Variants in SSTR1 observed in about 807,000 individuals in gnomAD.
SSTR1 encodes somatostatin receptor type 1.
Under a neutral mutation model 20.7 loss-of-function variants are expected in SSTR1, and 10 were observed. That is an observed-to-expected ratio of 0.48 (90% CI 0.30 to 0.82). SSTR1 has a LOEUF of 0.82. Among genes scored for constraint, SSTR1 ranks in the 40% least tolerant of loss-of-function variants. The probability of loss-of-function intolerance (pLI) is 0.07; values close to 1 mark genes in which losing one functional copy is unlikely to be tolerated. For synonymous variants in SSTR1, 267 were observed against 227.8 expected (o/e 1.17, Z -1.55); for missense variants, 494 against 540.0 (o/e 0.91, Z 0.84).
Position 38,212,916 on chromosome 14 carries a change from CT to C in SSTR1, c.*2354del, listed in dbSNP as rs1029196920. The C allele has an allele frequency of 6.0e-6, 1 of 166,906 alleles. No homozygotes were observed. Among genetic ancestry groups the C allele is most frequent in the African/African-American group, 2.4e-5 (1 of 41,366 alleles). The allele number at this position is 166,906 out of a possible 1,614,324, so 10.3% of individuals were successfully genotyped here. On this transcript the variant is annotated 3_prime_UTR_variant, in exon 3 of 3. Coordinates refer to ENST00000267377, the MANE Select transcript of SSTR1 (RefSeq NM_001049.3). ...TTAATAAAAATATATATTACTACTC[CT>C]TTGGAAAATAGATTTTTAATGGTTA... is the stretch of plus-strand genomic sequence containing the variant.
At position 38,212,442 on chromosome 14, in the gene SSTR1, A is replaced by T. The variant is rs564414507; in HGVS notation, c.*1877A>T. On this transcript the variant is annotated 3_prime_UTR_variant, in exon 3 of 3. Transcript: ENST00000267377. ...CTCCCTCTGGGTTCCAGCAGAGGTG[A>T]TTCTTACATATGATCCAGTTAACAT... The T allele has an allele frequency of 1.3e-4, 22 of 167,212 alleles. No individual in the cohort carries two copies. The highest frequency in any genetic ancestry group is 4.1e-4 in the African/African-American group (17 of 41,572). 10.4% of individuals were successfully genotyped at this position (167,212 alleles called of 1,614,324 possible). A position where few individuals can be genotyped will look rare whatever the true frequency, so the allele number is the denominator to read the frequency against.
At position 38,209,142 on chromosome 14, in the gene SSTR1, C is replaced by T; in HGVS notation, c.-248C>T. 1 of 422,162 alleles carries T rather than the reference C, an allele frequency of 2.4e-6. No homozygotes were observed. Among genetic ancestry groups the T allele is most frequent in the Non-Finnish European group, 4.1e-6 (1 of 244,780 alleles). 26.2% of individuals were successfully genotyped at this position (422,162 alleles called of 1,614,324 possible). A position where few individuals can be genotyped will look rare whatever the true frequency, so the allele number is the denominator to read the frequency against. On this transcript the variant is annotated 5_prime_UTR_variant, in exon 3 of 3. Transcript: ENST00000267377. ...GCGGTGCTCCCACATCCTGGCCTCT[C>T]CTCTCCACGGTCGCCTGTGCCCGGG...
In SSTR1 at chr14:38,209,165, G is replaced by C. The variant is rs540689737; in HGVS notation, c.-225G>C. On this transcript the variant is annotated 5_prime_UTR_variant, in exon 3 of 3. Coordinates refer to ENST00000267377, the MANE Select transcript of SSTR1 (RefSeq NM_001049.3). ...CTCCTCTCCACGGTCGCCTGTGCCC[G>C]GGCACCCCGGAGCTGCAAACTGCAG... 4.5e-6 allele frequency: 2 copies of C among 446,732 alleles called. No individual in the cohort carries two copies. The highest frequency in any genetic ancestry group is 1.7e-4 in the South Asian group (2 of 11,918). The allele number at this position is 446,732 out of a possible 1,614,324, so 27.7% of individuals were successfully genotyped here. A position where few individuals can be genotyped will look rare whatever the true frequency, so the allele number is the denominator to read the frequency against.
At position 38,210,254 on chromosome 14, in the gene SSTR1, G is replaced by A; in HGVS notation, c.865G>A (p.Val289Met). ...VFVICWMPFY[V>M]VQLVNVFAEQ... ...TGTCATCTGCTGGATGCCTTTCTAC[G>A]TGGTGCAGCTGGTCAACGTGTTTGC... is the stretch of plus-strand genomic sequence containing the variant. Residue 289 changes from valine (V) to methionine (M), a missense_variant, in exon 3 of 3, where the codon GTG becomes ATG. This residue lies in a region of SSTR1 where 280 missense variants were observed against 286.1 expected (regional missense o/e 0.98). Coordinates refer to ENST00000267377, the MANE Select transcript of SSTR1 (RefSeq NM_001049.3). 1 of 1,614,208 alleles carries A rather than the reference G, an allele frequency of 6.2e-7. No homozygotes were observed. Among genetic ancestry groups the A allele is most frequent in the Middle Eastern group, 1.6e-4 (1 of 6,062 alleles).
intron 2 of SSTR1, 59 bp downstream of exon 2, chr14:38,208,668 A>T (rs1170112947): frequency 6.6e-6 from 1 of 152,290 alleles, no homozygotes; most frequent in African/African-American, 2.4e-5. Context: ...CGAGGGTGGG[A>T]AGAGGGAATT....
At position 38,209,863 on chromosome 14, in the gene SSTR1, C is replaced by T; in HGVS notation, c.474C>T (p.Ala158=). 1.2e-6 allele frequency: 2 copies of T among 1,613,902 alleles called. No homozygotes were observed. The highest frequency in any genetic ancestry group is 1.3e-5 in the African/African-American group (1 of 75,048). Residue 158 remains alanine, a synonymous_variant, in exon 3 of 3, where the codon GCC becomes GCT. Coordinates refer to ENST00000267377, the MANE Select transcript of SSTR1 (RefSeq NM_001049.3). ...TGCTCAGCGTGGACCGCTACGTGGC[C>T]GTGGTGCATCCCATCAAGGCGGCCC... ...LTVLSVDRYV[A]VVHPIKAARY...
Position 38,209,242 on chromosome 14 carries a change from G to T in SSTR1, c.-148G>T, listed in dbSNP as rs1883272719. 4.9e-6 allele frequency: 5 copies of T among 1,030,104 alleles called. No homozygotes were observed. The highest frequency in any genetic ancestry group is 3.4e-5 in the African/African-American group (2 of 59,208). 63.8% of individuals were successfully genotyped at this position (1,030,104 alleles called of 1,614,324 possible). On this transcript the variant is annotated 5_prime_UTR_variant, in exon 3 of 3. Coordinates refer to ENST00000267377, the MANE Select transcript of SSTR1 (RefSeq NM_001049.3). ...CCCCGCCGGCGCCGGTAGGAGCCGC[G>T]CTCCCCGCAGCGGTTGCGCTCTACC... is the stretch of plus-strand genomic sequence containing the variant.
Position 38,209,155 on chromosome 14 carries a change from G to C in SSTR1, c.-235G>C. 1 of 430,492 alleles carries C rather than the reference G, an allele frequency of 2.3e-6. No homozygotes were observed. Among genetic ancestry groups the C allele is most frequent in the Admixed American group, 4.4e-5 (1 of 22,826 alleles). 26.7% of individuals were successfully genotyped at this position (430,492 alleles called of 1,614,324 possible). ...ATCCTGGCCTCTCCTCTCCACGGTC[G>C]CCTGTGCCCGGGCACCCCGGAGCTG... On this transcript the variant is annotated 5_prime_UTR_variant, in exon 3 of 3. Transcript: ENST00000267377.
chr14:38,209,352 C>G lies in SSTR1; in HGVS notation c.-38C>G. ...GGCGGCGGGTGCGCGAGGAGAAAGCCCCAGCCCTGGCAGCCCCACTGGCCC... is the reference window on the plus strand; with the variant it reads ...GGCGGCGGGTGCGCGAGGAGAAAGCGCCAGCCCTGGCAGCCCCACTGGCCC... On this transcript the variant is annotated 5_prime_UTR_variant, in exon 3 of 3. Transcript: ENST00000267377. 6.9e-7 allele frequency: 1 copy of G among 1,446,516 alleles called. No homozygotes were observed. Among genetic ancestry groups the G allele is most frequent in the East Asian group, 2.6e-5 (1 of 38,824 alleles). The allele number at this position is 1,446,516 out of a possible 1,614,324, so 89.6% of individuals were successfully genotyped here.
In SSTR1 at chr14:38,210,836, C is replaced by T. The variant is rs1202755176; in HGVS notation, c.*271C>T. The stretch of plus-strand genomic sequence containing the variant: ...GGTCTCCCACTTTCTGTTCCTTCCT[C>T]CACTGCGCTTACTCCTCTGACCCTC... On this transcript the variant is annotated 3_prime_UTR_variant, in exon 3 of 3. Transcript: ENST00000267377. 3.0e-6 allele frequency: 2 copies of T among 676,148 alleles called. No individual in the cohort carries two copies. Among genetic ancestry groups the T allele is most frequent in the African/African-American group, 3.7e-5 (2 of 54,424 alleles). 41.9% of individuals were successfully genotyped at this position (676,148 alleles called of 1,614,324 possible).
At position 38,209,476 on chromosome 14, in the gene SSTR1, C is replaced by A; in HGVS notation, c.87C>A (p.Gly29=). Residue 29 remains glycine, a synonymous_variant, in exon 3 of 3, where the codon GGC becomes GGA. Transcript: ENST00000267377. ...GCGGCGAAGGCGGCGGCAGCAGGGG[C>A]CCCGGGGCCGGCGCTGCGGACGGCA... ...GSCGEGGGSR[G]PGAGAADGME... 6.4e-7 allele frequency: 1 copy of A among 1,564,392 alleles called. No individual in the cohort carries two copies. The highest frequency in any genetic ancestry group is 8.7e-7 in the Non-Finnish European group (1 of 1,155,216).
Position 38,210,023 on chromosome 14 carries a change from A to T in SSTR1, c.634A>T (p.Met212Leu). ...SDGTVACNML[M>L]PEPAQRWLVG... ...CGGCACGGTGGCTTGCAACATGCTC[A>T]TGCCAGAGCCCGCTCAACGCTGGCT... Residue 212 changes from methionine to leucine, a missense_variant, in exon 3 of 3, where the codon ATG (methionine) becomes TTG (leucine). Around this residue, in one of 3 missense-constraint regions of SSTR1, gnomAD observed 280 missense variants for 286.1 expected, o/e 0.98. Coordinates refer to ENST00000267377, the MANE Select transcript of SSTR1 (RefSeq NM_001049.3). The T allele has an allele frequency of 1.2e-6, 2 of 1,614,200 alleles. No homozygotes were observed. Among genetic ancestry groups the T allele is most frequent in the Non-Finnish European group, 1.7e-6 (2 of 1,180,052 alleles).
At position 38,209,970 on chromosome 14, in the gene SSTR1, T is replaced by G; in HGVS notation, c.581T>G (p.Val194Gly). Residue 194 changes from valine (V) to glycine (G), a missense_variant, in exon 3 of 3, where the codon GTC becomes GGC. Physicochemically the swap from Val to Gly is moderately radical, Grantham distance 109. Around this residue, in one of 3 missense-constraint regions of SSTR1, gnomAD observed 280 missense variants for 286.1 expected, o/e 0.98. Coordinates refer to ENST00000267377, the MANE Select transcript of SSTR1 (RefSeq NM_001049.3). ...CTGCTCGTCATCCTGCCCATCGTGG[T>G]CTTCTCTCGCACCGCGGCCAACAGC... ...LSLLVILPIV[V>G]FSRTAANSDG... 6.2e-7 allele frequency: 1 copy of G among 1,614,094 alleles called. No homozygotes were observed.
chr14:38,209,788 G>A lies in SSTR1; in HGVS notation c.399G>A (p.Val133=). 6.2e-7 allele frequency: 1 copy of A among 1,613,940 alleles called. No individual in the cohort carries two copies. Among genetic ancestry groups the A allele is most frequent in the Non-Finnish European group, 8.5e-7 (1 of 1,180,046 alleles). ...TCGGTGCGCTGCTCTGCCGCCTCGT[G>A]CTCAGCGTGGACGCGGTCAACATGT... The part of the protein sequence containing the change: ...WPFGALLCRL[V]LSVDAVNMFT... Residue 133 remains valine, a synonymous_variant, in exon 3 of 3, where the codon GTG becomes GTA. Transcript: ENST00000267377.
rs776582232 is a variant in SSTR1 at position 38,210,492 on chromosome 14, T to A, written c.1103T>A (p.Phe368Tyr). 5.6e-6 allele frequency: 9 copies of A among 1,613,116 alleles called. No homozygotes were observed. The highest frequency in any genetic ancestry group is 7.6e-6 in the Non-Finnish European group (9 of 1,179,720). ...AGCCGTGCCTACAGTGTGGAAGACT[T>A]CCAACCTGAGAACCTGGAGTCCGGC... ...LKSRAYSVED[F>Y]QPENLESGGV... The change falls in exon 3 of 3, where the codon TTC (phenylalanine) becomes TAC (tyrosine). Residue 368 changes from phenylalanine to tyrosine, a missense_variant. By Grantham distance (22) the Phe-to-Tyr change is conservative. Coordinates refer to ENST00000267377, the MANE Select transcript of SSTR1 (RefSeq NM_001049.3).
Position 38,210,791 on chromosome 14 carries a change from T to C in SSTR1, c.*226T>C. ...AGCTTTGCTTATAAACTGGGAAGGC[T>C]TTCAGGCTACCTTTTTCTGGGTCTC... On this transcript the variant is annotated 3_prime_UTR_variant, in exon 3 of 3. Transcript: ENST00000267377. 1 of 1,144,040 alleles carries C rather than the reference T, an allele frequency of 8.7e-7. No individual in the cohort carries two copies. Among genetic ancestry groups the C allele is most frequent in the Non-Finnish European group, 1.2e-6 (1 of 844,910 alleles). 70.9% of individuals were successfully genotyped at this position (1,144,040 alleles called of 1,614,324 possible). A position where few individuals can be genotyped will look rare whatever the true frequency, so the allele number is the denominator to read the frequency against.
rs80332888 is a variant in SSTR1, at chr14:38,212,844, G to A, written c.*2279G>A. On this transcript the variant is annotated 3_prime_UTR_variant, in exon 3 of 3. Transcript: ENST00000267377. Reference sequence around the variant, plus strand: ...TCCCTAATGTTTTGCTTAAACTAATGAACAAATATGCTTTGGGTCATAAAT... The same window carrying A: ...TCCCTAATGTTTTGCTTAAACTAATAAACAAATATGCTTTGGGTCATAAAT... 1.4e-4 allele frequency: 23 copies of A among 167,098 alleles called. No individual in the cohort carries two copies. In the East Asian group the frequency reaches 3.3e-3, roughly 24 times the overall value. 10.4% of individuals were successfully genotyped at this position (167,098 alleles called of 1,614,324 possible).
At chr14:38,208,156 T>A (rs1484837591) in intron 1 of SSTR1, 52 bp downstream of exon 1, 2 of 152,266 alleles carry the variant, frequency 1.3e-5, no homozygotes, top group African/African-American at 2.4e-5. Flanking sequence ...GGCGCAGCCT[T>A]ATCTTTCCCG....
Position 38,209,487 on chromosome 14 carries a change from G to A in SSTR1, c.98G>A (p.Gly33Asp). Reference sequence around the variant, plus strand: ...GGCGGCAGCAGGGGCCCCGGGGCCGGCGCTGCGGACGGCATGGAGGAGCCA... The same window carrying A: ...GGCGGCAGCAGGGGCCCCGGGGCCGACGCTGCGGACGGCATGGAGGAGCCA... ...EGGGSRGPGA[G>D]AADGMEEPGR... Residue 33 changes from glycine to aspartate, a missense_variant, in exon 3 of 3, where the codon GGC becomes GAC. Gly to Asp is a moderately conservative substitution (Grantham distance 94). Transcript: ENST00000267377. 3.8e-6 allele frequency: 6 copies of A among 1,572,394 alleles called. No homozygotes were observed. The highest frequency in any genetic ancestry group is 3.5e-6 in the Non-Finnish European group (4 of 1,158,618).
Sources: allele counts gnomAD v4.1 joint callset, GRCh38; gene constraint gnomAD v4.1.1; regional missense constraint gnomAD v4.1.1; transcripts MANE v1.5; gene names NCBI Gene and HGNC (gene_info 2026-07-23, HGNC 2026-07-21).